The following PCDHA12 variants were observed in gnomAD, a reference collection of about 807,000 sequenced individuals.
The protein encoded by PCDHA12 is protocadherin alpha 12, also known as protocadherin alpha-12.
Under a neutral mutation model 60.0 loss-of-function variants are expected in PCDHA12, and 44 were observed. The ratio of observed to expected loss-of-function variants is 0.73; its 90% CI spans 0.58 to 0.94. PCDHA12 has a LOEUF of 0.94. PCDHA12 is among the 40% of genes least tolerant of loss of function. The pLI, the probability that PCDHA12 is intolerant of heterozygous loss-of-function variation, is 0.00. For missense variants in PCDHA12, 1,276 were observed against 1,239.7 expected (o/e 1.03, Z -0.44); for synonymous variants, 569 against 553.0 (o/e 1.03, Z -0.40).
At chr5:140,966,568 G>A (rs2096022635) in intron 1 of PCDHA12, 1 of 499,094 alleles carries the variant, frequency 2.0e-6, no homozygotes, top group African/African-American at 2.0e-5. Flanking sequence ...CTGGAATATG[G>A]GGAGTCAGCG....
At chr5:140,967,171 G>A (rs181864889) in intron 1 of PCDHA12, 2 of 1,611,944 alleles carry the variant, frequency 1.2e-6, no homozygotes, top group Non-Finnish European at 8.5e-7. Flanking sequence ...GCGCCGTTGA[G>A]GTGGAAATAT....
intron 1 of PCDHA12, among the ~76,000 whole-genome samples, chr5:140,880,228 A>G (rs2058273237): frequency 6.6e-6 from 1 of 152,196 alleles, no homozygotes; most frequent in Non-Finnish European, 1.5e-5. Context: ...GAACATTTAA[A>G]TTAGTGTATG....
intron 1 of PCDHA12, chr5:140,967,577 C>G (rs141338011): frequency 1.2e-6 from 2 of 1,614,016 alleles, no homozygotes; most frequent in Non-Finnish European, 1.7e-6. Flanking sequence ...GGAGGACTCA[C>G]CCCCAGGCAC....
At chr5:140,918,766 C>T (rs1387250517) in intron 1 of PCDHA12, among the ~76,000 whole-genome samples, 2 of 152,170 alleles carry the variant, frequency 1.3e-5, no homozygotes, top group Non-Finnish European at 2.9e-5. Flanking sequence ...GGTGCCTTGC[C>T]TCTTTCACCA....
chr5:140,928,605 C>T, intron 1 of PCDHA12: 1 of 1,614,208 alleles, frequency 6.2e-7, no homozygotes, highest in South Asian at 1.1e-5. Flanking sequence ...AAATTGTGCC[C>T]CGCTCTGCCA....
chr5:140,882,451 G>C, intron 1 of PCDHA12: 1 of 1,614,040 alleles, frequency 6.2e-7, no homozygotes. Flanking sequence ...AGCTGGTGCC[G>C]CGCCTGTTCC....
chr5:140,906,669 A>G (rs2153496058), intron 1 of PCDHA12, among the ~76,000 whole-genome samples: 1 of 152,302 alleles, frequency 6.6e-6, no homozygotes. Context: ...GTAGTGACCC[A>G]AACCTTCATT....
At chr5:141,007,395 C>CAAAAAAAAAAAAA (rs35800918) in intron 3 of PCDHA12, among the ~76,000 whole-genome samples, 1 of 94,866 alleles carries the variant, frequency 1.1e-5, no homozygotes. Flanking sequence ...TACTAAAATA[C>CAAAAAAAAAAAAA]AAAAAAAAAA....
chr5:140,925,371 A>ATATT (rs1554202717), intron 1 of PCDHA12, among the ~76,000 whole-genome samples: 1 of 152,136 alleles, frequency 6.6e-6, no homozygotes, highest in Non-Finnish European at 1.5e-5. Context: ...CATAGTCAAT[A>ATATT]GTCAATGAGT....
intron 1 of PCDHA12, among the ~76,000 whole-genome samples, chr5:140,945,698 T>C (rs530742031): frequency 3.9e-5 from 6 of 152,046 alleles, no homozygotes; most frequent in Non-Finnish European, 8.8e-5. Flanking sequence ...GTCCACTGAT[T>C]TGCAACAAAA....
intron 1 of PCDHA12, among the ~76,000 whole-genome samples, chr5:140,913,995 A>T (rs541070374): frequency 6.6e-6 from 1 of 152,288 alleles, no homozygotes; most frequent in Admixed American, 6.5e-5. Context: ...TGTGACTAGC[A>T]TATGGTCTAT....
At chr5:140,996,842 T>C (rs2097749816) in intron 3 of PCDHA12, among the ~76,000 whole-genome samples, 1 of 152,240 alleles carries the variant, frequency 6.6e-6, no homozygotes, top group African/African-American at 2.4e-5. Context: ...TTAGCGTGCA[T>C]CTTCAGAATT....
At chr5:140,878,787 T>C (rs2057727241) in intron 1 of PCDHA12, among the ~76,000 whole-genome samples, 1 of 152,222 alleles carries the variant, frequency 6.6e-6, no homozygotes, top group Admixed American at 6.5e-5. Flanking sequence ...ATATGTTCAA[T>C]CACTTTTTAA....
At chr5:140,951,560 C>T (rs2094602519) in intron 1 of PCDHA12, among the ~76,000 whole-genome samples, 1 of 151,998 alleles carries the variant, frequency 6.6e-6, no homozygotes. Flanking sequence ...AAGTGCTACG[C>T]ACTTTTAAAC....
chr5:140,886,602 C>A (rs1167539535), intron 1 of PCDHA12, among the ~76,000 whole-genome samples: 1 of 151,638 alleles, frequency 6.6e-6, no homozygotes, highest in Non-Finnish European at 1.5e-5. Flanking sequence ...CCAAGGTGGG[C>A]GGATCAGGAG....
chr5:140,960,788 G>A (rs1268913888), intron 1 of PCDHA12, among the ~76,000 whole-genome samples: 1 of 152,086 alleles, frequency 6.6e-6, no homozygotes, highest in Non-Finnish European at 1.5e-5. Context: ...GCCAAACAAG[G>A]TTTCTATTAA....
intron 1 of PCDHA12, among the ~76,000 whole-genome samples, chr5:140,888,838 A>G (rs2061999996): frequency 6.6e-6 from 1 of 152,078 alleles, no homozygotes; most frequent in East Asian, 1.9e-4. Flanking sequence ...ACTCCACTGC[A>G]GCCTGGTGAC....
In PCDHA12 at chr5:140,982,309, G is replaced by A. The variant is rs1459964622; in HGVS notation, c.2427-166G>A. On this transcript the variant is annotated intron_variant, in intron 2 of 3. Coordinates refer to ENST00000398631, the MANE Select transcript of PCDHA12 (RefSeq NM_018903.4). Reference sequence around the variant, plus strand: ...TAAGTAAGTCAGCAATGCTTCTGCAGTTTATGCAGGGTGACTGCTCAGCAG... The same window carrying A: ...TAAGTAAGTCAGCAATGCTTCTGCAATTTATGCAGGGTGACTGCTCAGCAG... 5.4e-6 allele frequency: 7 copies of A among 1,306,624 alleles called. No homozygotes were observed. The Admixed American group carries it at 1.8e-4, about 34-fold the overall frequency. The allele number at this position is 1,306,624 out of a possible 1,614,324, so 80.9% of individuals were successfully genotyped here. A position where few individuals can be genotyped will look rare whatever the true frequency, so the allele number is the denominator to read the frequency against.
chr5:140,991,244 G>A (rs535469323), intron 3 of PCDHA12, among the ~76,000 whole-genome samples: 2 of 152,278 alleles, frequency 1.3e-5, no homozygotes, highest in South Asian at 4.1e-4. Flanking sequence ...GGTAAAGGCA[G>A]TATTTGAACT....
Sources: allele counts gnomAD v4.1 joint callset (sites outside exome capture counted in the v4.1 genomes callset), GRCh38; gene constraint gnomAD v4.1.1; transcripts MANE v1.5; gene names NCBI Gene and HGNC (gene_info 2026-07-23, HGNC 2026-07-21).